Variants in CASK observed in about 807,000 individuals in gnomAD.
The protein encoded by CASK is peripheral plasma membrane protein CASK.
Under a neutral mutation model 82.9 loss-of-function variants are expected in CASK, and 4 were observed. The observed-to-expected ratio is 0.05, with a 90% CI of 0.02 to 0.11. The LOEUF (loss-of-function observed/expected upper bound fraction) is 0.11. Among genes scored for constraint, CASK ranks in the 10% least tolerant of loss-of-function variants. The pLI is 1.00. For synonymous variants in CASK, 259 were observed against 253.5 expected (o/e 1.02, Z -0.20); for missense variants, 358 against 720.9 (o/e 0.50, Z 5.76).
At chrX:41,572,870 G>A (rs1427169910) in intron 15 of CASK, among the ~76,000 whole-genome samples, 9 of 110,739 alleles carry the variant, frequency 8.1e-5, no homozygotes, top group Admixed American at 5.8e-4. Context: ...GTGTGGGTCT[G>A]CTGAATTCTT....
chrX:41,908,149 T>C (rs990710394), intron 1 of CASK, among the ~76,000 whole-genome samples: 6 of 111,619 alleles, frequency 5.4e-5, no homozygotes, highest in African/African-American at 2.0e-4. Context: ...AGGAGGCAGA[T>C]CACCTGAGGT....
At chrX:41,695,914 T>C in intron 5 of CASK, 1 of 1,208,695 alleles carries the variant, frequency 8.3e-7, no homozygotes, top group Non-Finnish European at 1.1e-6. Flanking sequence ...ATTTATCTAC[T>C]TAACGTAGCC....
At chrX:41,792,008 C>A (rs1258566593) in intron 2 of CASK, among the ~76,000 whole-genome samples, 1 of 111,187 alleles carries the variant, frequency 9.0e-6, no homozygotes, top group Non-Finnish European at 1.9e-5. Flanking sequence ...ATGAAATCAA[C>A]CTGCCATATG....
chrX:41,805,965 A>C (rs746584138), intron 2 of CASK, among the ~76,000 whole-genome samples: 1 of 111,777 alleles, frequency 8.9e-6, no homozygotes, highest in Admixed American at 9.5e-5. Context: ...GCTTTCAATA[A>C]GTCTAGGCTA....
chrX:41,524,635 T>C (rs891149158), intron 25 of CASK: 6 of 113,977 alleles, frequency 5.3e-5, no homozygotes, highest in Non-Finnish European at 7.3e-5. Flanking sequence ...GGGCAATGTA[T>C]AGGCCCATGA....
chrX:41,828,234 C>T (rs918090990), intron 2 of CASK, among the ~76,000 whole-genome samples: 1 of 111,810 alleles, frequency 8.9e-6, no homozygotes, highest in East Asian at 2.8e-4. Context: ...AGCTGTAAAC[C>T]CTTTAACTAT....
intron 5 of CASK, chrX:41,728,061 T>A: frequency 1.1e-6 from 1 of 923,402 alleles, no homozygotes; most frequent in Non-Finnish European, 1.5e-6. Context: ...AACCCCACAA[T>A]ATTAAGAAAA....
At chrX:41,558,517 G>A (rs1426103300) in intron 18 of CASK, 1 of 111,257 alleles carries the variant, frequency 9.0e-6, no homozygotes, top group Non-Finnish European at 1.9e-5. Context: ...AATGATATAA[G>A]GACATCTGTA....
intron 2 of CASK, among the ~76,000 whole-genome samples, chrX:41,845,112 A>C (rs930168014): frequency 8.9e-6 from 1 of 111,922 alleles, no homozygotes; most frequent in Non-Finnish European, 1.9e-5. Flanking sequence ...AGTCTATCCT[A>C]GATAATGTTC....
intron 2 of CASK, among the ~76,000 whole-genome samples, chrX:41,829,132 C>T (rs1229288313): frequency 1.8e-5 from 2 of 111,291 alleles, no homozygotes; most frequent in African/African-American, 3.3e-5. Flanking sequence ...AAAACTGCTC[C>T]ACTCTTTCCC....
At chrX:41,632,686 G>A (rs761240035) in intron 9 of CASK, among the ~76,000 whole-genome samples, 4 of 111,920 alleles carry the variant, frequency 3.6e-5, no homozygotes, top group Admixed American at 9.5e-5. Context: ...CAAACCTTTC[G>A]TAGTTATGCA....
chrX:41,796,448 C>G (rs1043518093), intron 2 of CASK, among the ~76,000 whole-genome samples: 2 of 112,200 alleles, frequency 1.8e-5, no homozygotes, highest in African/African-American at 6.5e-5. Flanking sequence ...ATGTGAACAT[C>G]TATTAGTAAA....
intron 3 of CASK, among the ~76,000 whole-genome samples, chrX:41,753,125 A>G (rs1323585671): frequency 8.9e-6 from 1 of 112,428 alleles, no homozygotes; most frequent in East Asian, 2.8e-4. Flanking sequence ...ATACATTAAC[A>G]TGTATAAACA....
intron 14 of CASK, 78 bp from the exon 15 acceptor site, chrX:41,578,606 T>A: frequency 1.3e-6 from 1 of 763,020 alleles, no homozygotes. Flanking sequence ...TTATTTATTT[T>A]GAGACAGGGT....
At chrX:41,682,271 G>A (rs1324557866) in intron 5 of CASK, among the ~76,000 whole-genome samples, 2 of 109,886 alleles carry the variant, frequency 1.8e-5, no homozygotes, top group African/African-American at 6.6e-5. Flanking sequence ...AAGGTGAAGG[G>A]GTCAGGTGTG....
At chrX:41,868,857 C>A (rs759536326) in intron 1 of CASK, among the ~76,000 whole-genome samples, 83 of 111,265 alleles carry the variant, frequency 7.5e-4, no homozygotes, top group Non-Finnish European at 2.1e-4. Context: ...ACAAGTACTT[C>A]TTCATTACTT....
intron 3 of CASK, among the ~76,000 whole-genome samples, chrX:41,784,546 G>A (rs1322902853): frequency 8.9e-6 from 1 of 111,773 alleles, no homozygotes; most frequent in Non-Finnish European, 1.9e-5. Flanking sequence ...TTTCCATACA[G>A]TGAATGAGAT....
chrX:41,745,635 GAGGAAATTCC>G (rs779993829), intron 3 of CASK, 34 bp from the exon 4 acceptor site: 1 of 1,000,703 alleles, frequency 1.0e-6, no homozygotes, highest in African/African-American at 1.9e-5. Context: ...CATAAGAAAA[GAGGAAATTCC>G]AGGAAGACAA....
intron 11 of CASK, among the ~76,000 whole-genome samples, chrX:41,613,060 G>A (rs1224240109): frequency 1.8e-5 from 2 of 109,089 alleles, no homozygotes; most frequent in African/African-American, 3.3e-5. Context: ...GGTGAGGGGC[G>A]CCTCTGCCCG....
Sources: allele counts gnomAD v4.1 joint callset (sites outside exome capture counted in the v4.1 genomes callset), GRCh38; gene constraint gnomAD v4.1.1; transcripts MANE v1.5; gene names NCBI Gene and HGNC (gene_info 2026-07-23, HGNC 2026-07-21).